The following H2AZ1 variants were observed in gnomAD, a reference collection of about 807,000 sequenced individuals.
The protein encoded by H2AZ1 is H2A.Z variant histone 1.
Under a neutral mutation model 16.6 loss-of-function variants are expected in H2AZ1, and 3 were observed. The ratio of observed to expected loss-of-function variants is 0.18; its 90% CI spans 0.08 to 0.47. The LOEUF is 0.47. Ranked by LOEUF, H2AZ1 falls within the 20% of genes least tolerant of loss-of-function variation. The probability of loss-of-function intolerance (pLI) is 0.98; values close to 1 mark genes in which losing one functional copy is unlikely to be tolerated. For synonymous variants in H2AZ1, 78 were observed against 60.7 expected, an observed-to-expected ratio of 1.28 and a Z score of -1.32; for missense variants, 27 against 163.6, an observed-to-expected ratio of 0.17 and a Z score of 4.55.
rs890576400 is a variant in H2AZ1, at chr4:99,949,749, C to G, written c.4-9G>C. On this transcript the variant is annotated splice_polypyrimidine_tract_variant and intron_variant, in intron 1 of 4. Transcript: ENST00000296417. The stretch of plus-strand genomic sequence containing the variant: ...CCAGCCTTACCGCCAGCCTGCGGCG[C>G]GCACACGCCCGCGAGCGGAGGAGGA... 6.2e-7 allele frequency: 1 copy of G among 1,602,494 alleles called. No individual in the cohort carries two copies. The highest frequency in any genetic ancestry group is 1.1e-5 in the South Asian group (1 of 90,778).
rs966753522 is a variant in H2AZ1, at chr4:99,948,951, G to A, written c.196-11C>T. ...TGCCAGTTCAAGTACCTAAAAGGCA[G>A]AATCTGTCAGTTGCCTTCCAACTTT... On this transcript the variant is annotated splice_polypyrimidine_tract_variant and intron_variant, in intron 3 of 4. Coordinates refer to ENST00000296417, the MANE Select transcript of H2AZ1 (RefSeq NM_002106.4). 2.0e-6 allele frequency: 3 copies of A among 1,476,584 alleles called. No individual in the cohort carries two copies. The highest frequency in any genetic ancestry group is 3.4e-4 in the Middle Eastern group (2 of 5,828). The allele number at this position is 1,476,584 out of a possible 1,614,324, so 91.5% of individuals were successfully genotyped here.
At chr4:99,950,020 A>C (rs2110234017) in intron 1 of H2AZ1, 148 bp downstream of exon 1, 1 of 675,756 alleles carries the variant, frequency 1.5e-6, no homozygotes, top group Non-Finnish European at 2.5e-6. Context: ...CTCCGCTAGC[A>C]GCCGACAAAA....
chr4:99,948,818 A>G lies in H2AZ1; in HGVS notation c.318T>C (p.Ala106=), dbSNP rs143698630. ...ELDSLIKATI[A]GGGVIPHIHK... ...TGTTAGAAGTTAACATACCACCACC[A>G]GCAATTGTAGCCTTGATGAGAGAAT... The change falls in exon 4 of 5, where the codon GCT becomes GCC. Residue 106 remains alanine (A), a synonymous_variant. Coordinates refer to ENST00000296417, the MANE Select transcript of H2AZ1 (RefSeq NM_002106.4). 300 of 1,605,902 alleles carry G rather than the reference A, an allele frequency of 1.9e-4. No individual in the cohort carries two copies. The highest frequency in any genetic ancestry group is 2.5e-4 in the Non-Finnish European group (290 of 1,175,398).
chr4:99,948,204 A>T lies in H2AZ1; in HGVS notation c.*258T>A. The T allele has an allele frequency of 1.6e-6, 1 of 643,466 alleles. No homozygotes were observed. The highest frequency in any genetic ancestry group is 2.8e-6 in the Non-Finnish European group (1 of 354,760). The allele number at this position is 643,466 out of a possible 1,614,324, so 39.9% of individuals were successfully genotyped here. On this transcript the variant is annotated 3_prime_UTR_variant, in exon 5 of 5. Transcript: ENST00000296417. ...AATTAAAATCCAAACAGTTTTTTAA[A>T]AACAGTCAACTCAATCAAAACCCAC...
intron 3 of H2AZ1, 101 bp downstream of exon 3, chr4:99,949,172 G>A: frequency 1.4e-6 from 1 of 725,998 alleles, no homozygotes; most frequent in Non-Finnish European, 2.4e-6. Context: ...CTCTCGCCGC[G>A]TTCAGGGCCT....
In H2AZ1 at chr4:99,949,755, C is replaced by A; in HGVS notation, c.4-15G>T. 6.3e-7 allele frequency: 1 copy of A among 1,597,684 alleles called. No individual in the cohort carries two copies. On this transcript the variant is annotated splice_polypyrimidine_tract_variant and intron_variant, in intron 1 of 4. Coordinates refer to ENST00000296417, the MANE Select transcript of H2AZ1 (RefSeq NM_002106.4). The stretch of plus-strand genomic sequence containing the variant: ...TTACCGCCAGCCTGCGGCGCGCACA[C>A]GCCCGCGAGCGGAGGAGGAACGGAG...
Position 99,948,232 on chromosome 4 carries a change from C to G in H2AZ1, c.*230G>C. 2.9e-6 allele frequency: 2 copies of G among 692,522 alleles called. No homozygotes were observed. The highest frequency in any genetic ancestry group is 2.0e-5 in the Admixed American group (1 of 49,294). 42.9% of individuals were successfully genotyped at this position (692,522 alleles called of 1,614,324 possible). A position where few individuals can be genotyped will look rare whatever the true frequency, so the allele number is the denominator to read the frequency against. On this transcript the variant is annotated 3_prime_UTR_variant, in exon 5 of 5. Transcript: ENST00000296417. ...CAGTCAACTCAATCAAAACCCACTA[C>G]TTCAGAATCAATAGCTTCTTTGAAG...
intron 4 of H2AZ1, 32 bp downstream of exon 4, chr4:99,948,779 G>T (rs959314900): frequency 6.3e-7 from 1 of 1,575,236 alleles, no homozygotes; most frequent in Non-Finnish European, 8.6e-7. Flanking sequence ...TTCCTCTGAA[G>T]AAATTTTTTA....
chr4:99,949,450 T>C lies in H2AZ1; in HGVS notation c.82-64A>G, dbSNP rs78032150. The C allele has an allele frequency of 2.2e-3, 2,533 of 1,164,554 alleles. 32 individuals are homozygous for C. The Admixed American group carries it at 0.024, about 11-fold the overall frequency. The allele number at this position is 1,164,554 out of a possible 1,614,324, so 72.1% of individuals were successfully genotyped here. On this transcript the variant is annotated intron_variant, in intron 2 of 4. Transcript: ENST00000296417. ...ATGAGAACTAGAGATGGGGAAATTA[T>C]ATGCGCGCCAAAGCAAGGGGCACGG... is the stretch of plus-strand genomic sequence containing the variant.
At chr4:99,950,032 A>T in intron 1 of H2AZ1, 136 bp downstream of exon 1, 1 of 761,254 alleles carries the variant, frequency 1.3e-6, no homozygotes, top group Non-Finnish European at 2.2e-6. Context: ...CCGACAAAAC[A>T]CCTCCCCCCA....
intron 3 of H2AZ1, 53 bp downstream of exon 3, chr4:99,949,220 C>T: frequency 9.1e-7 from 1 of 1,099,998 alleles, no homozygotes; most frequent in South Asian, 1.3e-5. Flanking sequence ...TTCCCTCTTG[C>T]CGCCTCCCCG....
chr4:99,950,085 T>C (rs974183291), intron 1 of H2AZ1, 83 bp downstream of exon 1: 3 of 1,403,916 alleles, frequency 2.1e-6, no homozygotes, highest in Non-Finnish European at 3.0e-6. Context: ...CCGTCGCCAC[T>C]TCACCCCCAT....
chr4:99,949,597 G>T, intron 2 of H2AZ1, 66 bp downstream of exon 2: 1 of 1,463,724 alleles, frequency 6.8e-7, no homozygotes, highest in East Asian at 2.3e-5. Flanking sequence ...CGAGAGCGAT[G>T]AATAACAAAA....
chr4:99,949,240 C>T, intron 3 of H2AZ1, 33 bp downstream of exon 3: 1 of 1,315,602 alleles, frequency 7.6e-7, no homozygotes, highest in South Asian at 1.2e-5. Context: ...GCCCCCCAAA[C>T]CTTCTCCGGA....
intron 3 of H2AZ1, 158 bp downstream of exon 3, chr4:99,949,115 A>G (rs1727208692): frequency 3.0e-6 from 2 of 665,144 alleles, no homozygotes; most frequent in Admixed American, 2.7e-5. Context: ...ACTCAAGCTC[A>G]GTAGGATCCT....
rs957558640 is a variant in H2AZ1, at chr4:99,949,746, G to C, written c.4-6C>G. The C allele has an allele frequency of 6.2e-6, 10 of 1,605,666 alleles. No individual in the cohort carries two copies. Among genetic ancestry groups the C allele is most frequent in the Non-Finnish European group, 8.5e-6 (10 of 1,175,430 alleles). ...TTTCCAGCCTTACCGCCAGCCTGCGGCGCGCACACGCCCGCGAGCGGAGGA... is the reference window on the plus strand; with the variant it reads ...TTTCCAGCCTTACCGCCAGCCTGCGCCGCGCACACGCCCGCGAGCGGAGGA... On this transcript the variant is annotated splice_polypyrimidine_tract_variant and splice_region_variant and intron_variant, in intron 1 of 4. Coordinates refer to ENST00000296417, the MANE Select transcript of H2AZ1 (RefSeq NM_002106.4).
intron 1 of H2AZ1, 131 bp downstream of exon 1, chr4:99,950,037 C>T (rs1360402353): frequency 2.2e-5 from 18 of 837,130 alleles, no homozygotes; most frequent in Admixed American, 8.3e-5. Context: ...AAAACACCTC[C>T]CCCCACTCTT....
At chr4:99,949,570 A>C (rs754569862) in intron 2 of H2AZ1, 93 bp downstream of exon 2, 3 of 1,241,044 alleles carry the variant, frequency 2.4e-6, no homozygotes, top group Admixed American at 3.4e-5. Context: ...TCACCCACGC[A>C]TACACAAAAC....
chr4:99,948,418 TAG>T lies in H2AZ1; in HGVS notation c.*42_*43del, dbSNP rs773173879. ...GGAATCACCAACACTGGACAGCTGTTAGAGTATTTAGAGTCCTGAGATAACAA... is the reference window on the plus strand; with the variant it reads ...GGAATCACCAACACTGGACAGCTGTTAGTATTTAGAGTCCTGAGATAACAA... On this transcript the variant is annotated 3_prime_UTR_variant, in exon 5 of 5. Transcript: ENST00000296417. The T allele has an allele frequency of 4.7e-6, 5 of 1,068,660 alleles. No individual in the cohort carries two copies. The highest frequency in any genetic ancestry group is 1.6e-5 in the African/African-American group (1 of 64,508). 66.2% of individuals were successfully genotyped at this position (1,068,660 alleles called of 1,614,324 possible). A position where few individuals can be genotyped will look rare whatever the true frequency, so the allele number is the denominator to read the frequency against.
Sources: allele counts gnomAD v4.1 joint callset, GRCh38; gene constraint gnomAD v4.1.1; transcripts MANE v1.5; gene names NCBI Gene and HGNC (gene_info 2026-07-23, HGNC 2026-07-21).